Variants in CACNA2D1 observed in about 807,000 individuals in gnomAD.
CACNA2D1 encodes the protein voltage-dependent calcium channel subunit alpha-2/delta-1.
In CACNA2D1, 53 loss-of-function variants were observed where a neutral mutation model predicts 171.5. That is an observed-to-expected ratio of 0.31 (90% CI 0.25 to 0.39). The LOEUF is 0.39. Among genes scored for constraint, CACNA2D1 ranks in the 10% least tolerant of loss-of-function variants. The pLI, the probability that CACNA2D1 is intolerant of heterozygous loss-of-function variation, is 1.00. For synonymous variants in CACNA2D1, 442 were observed against 443.1 expected, an observed-to-expected ratio of 1.00 and a Z score of 0.03; for missense variants, 903 against 1,299.8, an observed-to-expected ratio of 0.69 and a Z score of 4.69.
At chr7:82,094,505 A>T (rs764435901) in intron 6 of CACNA2D1, among the ~76,000 whole-genome samples, 3 of 152,212 alleles carry the variant, frequency 2.0e-5, no homozygotes, top group Non-Finnish European at 4.4e-5. Context: ...GATGCCTACA[A>T]CATAGTGAGC....
chr7:82,108,331 T>C (rs1787984345), intron 6 of CACNA2D1, among the ~76,000 whole-genome samples: 1 of 152,148 alleles, frequency 6.6e-6, no homozygotes, highest in African/African-American at 2.4e-5. Context: ...TATAGCTACT[T>C]ACAGATATCC....
intron 3 of CACNA2D1, among the ~76,000 whole-genome samples, chr7:82,235,823 G>A (rs562441714): frequency 6.6e-6 from 1 of 152,216 alleles, no homozygotes; most frequent in East Asian, 1.9e-4. Context: ...CAATACAGAA[G>A]AGGACAAGAA....
At chr7:82,132,436 C>G (rs917986072) in intron 5 of CACNA2D1, among the ~76,000 whole-genome samples, 36 of 152,178 alleles carry the variant, frequency 2.4e-4, no homozygotes, top group African/African-American at 8.7e-4. Flanking sequence ...TCCATATCCT[C>G]TTGCAACAAG....
chr7:82,177,068 ATT>A (rs1181991934), intron 3 of CACNA2D1, among the ~76,000 whole-genome samples: 179 of 55,218 alleles, frequency 3.2e-3, no homozygotes, highest in African/African-American at 0.013. Context: ...ACAGGTCTCT[ATT>A]TTTTTTTTTT....
Position 82,160,529 on chromosome 7 carries a change from G to A in CACNA2D1, c.354+10021C>T, listed in dbSNP as rs144734032. ...AATAAGATTTGGGAGATATGTGGAA[G>A]GTGAGAAGAAATGCTCCATTACCTA... On this transcript the variant is annotated intron_variant, in intron 4 of 38. Transcript: ENST00000356860. 4.5e-3 allele frequency among the ~76,000 whole-genome samples: 679 copies of A among 152,130 alleles called. 5 individuals carry two copies. The highest frequency in any genetic ancestry group is 0.018 in the South Asian group (86 of 4,822).
At chr7:82,050,708 C>T in intron 10 of CACNA2D1, 1 of 690,618 alleles carries the variant, frequency 1.4e-6, no homozygotes, top group South Asian at 1.5e-5. Context: ...AAATGTCTCC[C>T]AACAGTTGGT....
intron 3 of CACNA2D1, among the ~76,000 whole-genome samples, chr7:82,299,443 T>A (rs1812727580): frequency 6.6e-6 from 1 of 151,674 alleles, no homozygotes; most frequent in African/African-American, 2.4e-5. Flanking sequence ...GGCAGATCAC[T>A]TGAGGTCAGG....
At chr7:82,103,106 G>A (rs775365145) in intron 6 of CACNA2D1, among the ~76,000 whole-genome samples, 7 of 152,044 alleles carry the variant, frequency 4.6e-5, no homozygotes, top group Admixed American at 2.0e-4. Context: ...GCACGAGTTC[G>A]AGACCAGCCT....
chr7:82,084,859 C>G lies in CACNA2D1; in HGVS notation c.568G>C (p.Asp190His). 1 of 1,613,854 alleles carries G rather than the reference C, an allele frequency of 6.2e-7. No homozygotes were observed. The highest frequency in any genetic ancestry group is 8.5e-7 in the Non-Finnish European group (1 of 1,179,762). Reference sequence around the variant, plus strand: ...TCGCGATTCTTTTTGAAAACTTCATCTAAGGCACTTGTCCAGTTGAGTTCA... The same window carrying G: ...TCGCGATTCTTTTTGAAAACTTCATGTAAGGCACTTGTCCAGTTGAGTTCA... The part of the protein sequence containing the change: ...LNELNWTSAL[D>H]EVFKKNREED... Residue 190 changes from aspartate to histidine, a missense_variant, in exon 7 of 39, where the codon GAT (aspartate) becomes CAT (histidine). Coordinates refer to ENST00000356860, the MANE Select transcript of CACNA2D1 (RefSeq NM_000722.4).
At chr7:81,971,927 T>C in intron 25 of CACNA2D1, 63 bp from the exon 26 acceptor site, 2 of 1,024,744 alleles carry the variant, frequency 2.0e-6, no homozygotes, top group East Asian at 2.4e-5. Flanking sequence ...TAATGAAAAA[T>C]ATATTTTCTA....
chr7:82,100,750 A>G (rs1338363955), intron 6 of CACNA2D1, among the ~76,000 whole-genome samples: 1 of 152,098 alleles, frequency 6.6e-6, no homozygotes, highest in Non-Finnish European at 1.5e-5. Context: ...ATGGTATTCT[A>G]AATATTTCAA....
chr7:82,232,772 G>C (rs191806274), intron 3 of CACNA2D1, among the ~76,000 whole-genome samples: 1 of 146,692 alleles, frequency 6.8e-6, no homozygotes, highest in Non-Finnish European at 1.5e-5. Context: ...GCTGAGGCAG[G>C]AGAATTGCTT....
At chr7:82,149,329 T>G (rs1204485951) in intron 4 of CACNA2D1, among the ~76,000 whole-genome samples, 1 of 152,102 alleles carries the variant, frequency 6.6e-6, no homozygotes, top group East Asian at 1.9e-4. Flanking sequence ...AAATAGACAC[T>G]GAGACTAGGA....
At chr7:82,335,648 A>C (rs572162117) in intron 2 of CACNA2D1, among the ~76,000 whole-genome samples, 3 of 152,114 alleles carry the variant, frequency 2.0e-5, no homozygotes, top group Non-Finnish European at 2.9e-5. Flanking sequence ...AGTGTGGAAA[A>C]CAAAGGCAGG....
At chr7:82,440,029 A>G (rs1208684232) in intron 1 of CACNA2D1, among the ~76,000 whole-genome samples, 1 of 151,858 alleles carries the variant, frequency 6.6e-6, no homozygotes, top group Non-Finnish European at 1.5e-5. Context: ...CCTTAAATAC[A>G]AATTTCTCTA....
At chr7:81,974,067 CATTAT>C (rs1427820701) in intron 25 of CACNA2D1, among the ~76,000 whole-genome samples, 6 of 151,696 alleles carry the variant, frequency 4.0e-5, no homozygotes, top group African/African-American at 1.5e-4. Flanking sequence ...TATTAAAACT[CATTAT>C]ATTATTTGAA....
chr7:82,204,507 A>AG (rs1157108119), intron 3 of CACNA2D1, among the ~76,000 whole-genome samples: 1 of 152,178 alleles, frequency 6.6e-6, no homozygotes, highest in Non-Finnish European at 1.5e-5. Context: ...AAGCAACATT[A>AG]GGGTAAAGTC....
chr7:82,169,853 T>A (rs374390733), intron 4 of CACNA2D1, among the ~76,000 whole-genome samples: 9 of 31,750 alleles, frequency 2.8e-4, no homozygotes, highest in African/African-American at 5.7e-4. Context: ...TATTAAGGAA[T>A]TTTTTTTTTT....
chr7:82,158,375 T>A (rs975341788), intron 4 of CACNA2D1, among the ~76,000 whole-genome samples: 1 of 151,906 alleles, frequency 6.6e-6, no homozygotes, highest in Admixed American at 6.6e-5. Flanking sequence ...CTCAATGAAA[T>A]GTATTGGCAA....
Sources: gnomAD v4.1 joint callset for allele counts (sites outside exome capture counted in the v4.1 genomes callset) on GRCh38, gnomAD v4.1.1 for gene constraint, MANE v1.5 for transcripts, NCBI Gene and HGNC (gene_info 2026-07-23, HGNC 2026-07-21) for gene names.